Variants in ZNF407 observed in about 807,000 individuals in gnomAD.
The protein encoded by ZNF407 is zinc finger protein 407.
ZNF407 carries 17 observed loss-of-function variants against 131.2 expected under a neutral mutation model. The ratio of observed to expected loss-of-function variants is 0.13; its 90% confidence interval spans 0.09 to 0.19. The LOEUF (loss-of-function observed/expected upper bound fraction) is 0.19, where lower values mean the gene tolerates loss of function less well. Among genes scored for constraint, ZNF407 ranks in the 10% least tolerant of loss-of-function variants. The probability of loss-of-function intolerance (pLI) is 1.00; values close to 1 mark genes in which losing one functional copy is unlikely to be tolerated. For synonymous variants in ZNF407, 1,156 were observed against 1,062.0 expected (o/e 1.09, Z -1.72); for missense variants, 2,681 against 2,830.6 (o/e 0.95, Z 1.20).
chr18:75,036,831 A>G (rs887964441), intron 8 of ZNF407, among the ~76,000 whole-genome samples: 8 of 152,230 alleles, frequency 5.3e-5, no homozygotes, highest in Admixed American at 5.2e-4. Flanking sequence ...GTAATAATTT[A>G]AGTACCATAT....
intron 8 of ZNF407, among the ~76,000 whole-genome samples, chr18:74,933,467 T>C (rs1972006154): frequency 6.6e-6 from 1 of 152,160 alleles, no homozygotes; most frequent in Non-Finnish European, 1.5e-5. Context: ...ATGAAAGAGT[T>C]GTAGAGACTG....
intron 3 of ZNF407, among the ~76,000 whole-genome samples, chr18:74,764,809 G>A (rs1969191129): frequency 6.6e-6 from 1 of 152,058 alleles, no homozygotes; most frequent in East Asian, 1.9e-4. Flanking sequence ...TAAACAACCA[G>A]TTAATAAATA....
At chr18:74,906,904 ATATTT>A (rs1171261694) in intron 7 of ZNF407, among the ~76,000 whole-genome samples, 1 of 152,172 alleles carries the variant, frequency 6.6e-6, no homozygotes, top group Non-Finnish European at 1.5e-5. Flanking sequence ...GTATACGTAT[ATATTT>A]TATAAGTGCC....
chr18:74,707,539 C>T (rs898956872), intron 3 of ZNF407, among the ~76,000 whole-genome samples: 3 of 152,166 alleles, frequency 2.0e-5, no homozygotes, highest in East Asian at 3.9e-4. Flanking sequence ...TTGAGTGTTA[C>T]GTTGATGCTC....
intron 3 of ZNF407, among the ~76,000 whole-genome samples, chr18:74,681,044 C>T (rs1217737037): frequency 6.6e-6 from 1 of 152,056 alleles, no homozygotes; most frequent in Admixed American, 6.6e-5. Flanking sequence ...AGAAGTTCAC[C>T]ATGAACCAAT....
At chr18:74,694,895 A>G (rs1409234298) in intron 3 of ZNF407, among the ~76,000 whole-genome samples, 1 of 152,138 alleles carries the variant, frequency 6.6e-6, no homozygotes, top group Non-Finnish European at 1.5e-5. Context: ...TTATCATACT[A>G]TAGAGTTATA....
chr18:74,962,767 C>T (rs531904270), intron 8 of ZNF407, among the ~76,000 whole-genome samples: 22 of 152,368 alleles, frequency 1.4e-4, no homozygotes, highest in African/African-American at 4.6e-4. Flanking sequence ...AGTGCCCTAC[C>T]TACCTCCCTT....
intron 1 of ZNF407, among the ~76,000 whole-genome samples, chr18:74,604,605 A>G (rs988597772): frequency 1.3e-5 from 2 of 152,240 alleles, no homozygotes; most frequent in Non-Finnish European, 2.9e-5. Context: ...CTTATCTTTG[A>G]AATCTCATGC....
rs11338662 is a variant in ZNF407, at chr18:74,657,082, GTT to G, written c.4802+15976_4802+15977del. On this transcript the variant is annotated intron_variant, in intron 3 of 8. Transcript: ENST00000299687. ...GTAATTCCAGCCAAGTGTTGAACTA[GTT>G]TTTTTTTTTTTTTTTAATTTAAGTG... Among the ~76,000 whole-genome samples the G allele has an allele frequency of 3.7e-3, 501 of 134,584 alleles. 1 individual carries two copies. Among genetic ancestry groups the G allele is most frequent in the African/African-American group, 9.1e-3 (335 of 36,686 alleles). The allele number at this position is 134,584 out of a possible 152,430, so 88.3% of individuals were successfully genotyped here. A position where few individuals can be genotyped will look rare whatever the true frequency, so the allele number is the denominator to read the frequency against.
At chr18:74,875,777 G>A (rs1225297894) in intron 4 of ZNF407, among the ~76,000 whole-genome samples, 1 of 152,072 alleles carries the variant, frequency 6.6e-6, no homozygotes, top group Non-Finnish European at 1.5e-5. Context: ...TGTAAATATA[G>A]TATCTCTTTA....
At chr18:75,003,162 C>T (rs551355436) in intron 8 of ZNF407, among the ~76,000 whole-genome samples, 2 of 152,320 alleles carry the variant, frequency 1.3e-5, no homozygotes, top group East Asian at 1.9e-4. Context: ...AGAATTATTT[C>T]GAAAACCTAA....
chr18:74,794,899 T>G (rs1201129777), intron 4 of ZNF407, among the ~76,000 whole-genome samples: 1 of 152,140 alleles, frequency 6.6e-6, no homozygotes, highest in Non-Finnish European at 1.5e-5. Context: ...AAAGTTAAAT[T>G]TCCTCCCCTT....
At chr18:74,742,043 T>A (rs1968562567) in intron 3 of ZNF407, among the ~76,000 whole-genome samples, 3 of 152,232 alleles carry the variant, frequency 2.0e-5, no homozygotes. Context: ...TACTGAATTA[T>A]ATTATGGAAC....
chr18:74,633,221 T>C lies in ZNF407; in HGVS notation c.2202T>C (p.Phe734=). Residue 734 remains phenylalanine (F), a synonymous_variant, in exon 2 of 9, where the codon TTT becomes TTC. Transcript: ENST00000299687. Reference sequence around the variant, plus strand: ...TTCGGCATGGTCAAGACTATCATTTTCTTTGTAAAGCTTGTAATCTTTATT... The same window carrying C: ...TTCGGCATGGTCAAGACTATCATTTCCTTTGTAAAGCTTGTAATCTTTATT... ...IKLRHGQDYH[F]LCKACNLYSL... The C allele has an allele frequency of 6.2e-7, 1 of 1,613,950 alleles. No homozygotes were observed. The highest frequency in any genetic ancestry group is 8.5e-7 in the Non-Finnish European group (1 of 1,179,866).
intron 8 of ZNF407, among the ~76,000 whole-genome samples, chr18:75,042,452 A>G (rs1044807295): frequency 1.3e-4 from 20 of 152,234 alleles, no homozygotes; most frequent in Non-Finnish European, 2.6e-4. Flanking sequence ...AATATTGTAT[A>G]ATTAGAGTCC....
chr18:75,011,843 G>A (rs1972977888), intron 8 of ZNF407, among the ~76,000 whole-genome samples: 1 of 152,084 alleles, frequency 6.6e-6, no homozygotes. Context: ...ATACTTCCAA[G>A]AAATATAATT....
At chr18:74,864,106 A>G (rs1180990843) in intron 4 of ZNF407, among the ~76,000 whole-genome samples, 1 of 152,158 alleles carries the variant, frequency 6.6e-6, no homozygotes, top group Admixed American at 6.5e-5. Flanking sequence ...AGAATTGTTC[A>G]CTAATTATGA....
chr18:74,803,809 C>CA (rs1157169989), intron 4 of ZNF407, among the ~76,000 whole-genome samples: 1 of 152,182 alleles, frequency 6.6e-6, no homozygotes, highest in Non-Finnish European at 1.5e-5. Context: ...CTGTGAATGA[C>CA]AGAGATAATG....
At chr18:74,787,059 G>A (rs1381639095) in intron 4 of ZNF407, among the ~76,000 whole-genome samples, 1 of 151,692 alleles carries the variant, frequency 6.6e-6, no homozygotes, top group East Asian at 1.9e-4. Flanking sequence ...CACCTGCCTC[G>A]GCCACCCAAA....
Sources: gnomAD v4.1 joint callset for allele counts (sites outside exome capture counted in the v4.1 genomes callset) on GRCh38, gnomAD v4.1.1 for gene constraint, MANE v1.5 for transcripts, NCBI Gene and HGNC (gene_info 2026-07-23, HGNC 2026-07-21) for gene names.